The following BPIFC variants were observed in gnomAD, a reference collection of about 807,000 sequenced individuals.
The protein encoded by BPIFC is BPI fold containing family C.
A neutral mutation model predicts 57.6 loss-of-function variants in BPIFC; 60 were observed. The observed-to-expected ratio is 1.04, with a 90% CI of 0.85 to 1.29. BPIFC has a LOEUF of 1.29. Among genes scored for constraint, BPIFC ranks in the 50% most tolerant of loss-of-function variants. The pLI, the probability that BPIFC is intolerant of heterozygous loss-of-function variation, is 0.00. For missense variants in BPIFC, 581 were observed against 600.5 expected, an observed-to-expected ratio of 0.97 and a Z score of 0.34; for synonymous variants, 243 against 224.5, an observed-to-expected ratio of 1.08 and a Z score of -0.74.
Position 32,427,660 on chromosome 22 carries a change from G to A in BPIFC, c.1217+3687C>T, listed in dbSNP as rs540857842. ...AGATGCTGCCAATTTCTCACCTTTG[G>A]TTCCTTCCCCCCTCACCCTCATGCT... On this transcript the variant is annotated intron_variant, in intron 13 of 16. Transcript: ENST00000300399. Among the ~76,000 whole-genome samples the A allele has an allele frequency of 3.9e-5, 6 of 152,154 alleles. No homozygotes were observed. In the East Asian group the frequency reaches 1.2e-3, roughly 29 times the overall value.
intron 3 of BPIFC, among the ~76,000 whole-genome samples, chr22:32,455,050 C>CTTTT (rs1392514246): frequency 0.013 from 1,787 of 133,778 alleles, 123 homozygotes; most frequent in South Asian, 0.04. Context: ...TTTTCATCTC[C>CTTTT]ATTTTTTTTT....
intron 10 of BPIFC, among the ~76,000 whole-genome samples, chr22:32,435,243 CAGTGGTG>C (rs1376597649): frequency 6.6e-6 from 1 of 152,066 alleles, no homozygotes; most frequent in African/African-American, 2.4e-5. Flanking sequence ...TAATCTAGAA[CAGTGGTG>C]AGTGGTGAGG....
intron 13 of BPIFC, among the ~76,000 whole-genome samples, chr22:32,429,736 C>T (rs1033930271): frequency 3.3e-5 from 5 of 151,642 alleles, no homozygotes; most frequent in Non-Finnish European, 7.4e-5. Context: ...AGGCTGGTCT[C>T]GAACTCCTGA....
At chr22:32,435,596 C>A in intron 10 of BPIFC, 108 bp downstream of exon 10, 1 of 1,180,946 alleles carries the variant, frequency 8.5e-7, no homozygotes, top group Non-Finnish European at 1.2e-6. Context: ...GAGTGATAGC[C>A]TAAAAAGGTC....
Position 32,432,398 on chromosome 22 carries a change from A to C in BPIFC, c.1124T>G (p.Val375Gly). The change falls in exon 12 of 17, where the codon GTT becomes GGT. Residue 375 changes from valine to glycine, a missense_variant. Physicochemically the swap from Val to Gly is moderately radical, Grantham distance 109 (BLOSUM62 -3). Coordinates refer to ENST00000300399, the MANE Select transcript of BPIFC (RefSeq NM_174932.3). ...MMLTQPKNST[V>G]ETIVSMDFVA... Reference sequence around the variant, plus strand: ...GAAGTCCATGGAAACGATGGTTTCAACTGTGGAGTTCTTGGGTTGGGTGAG... The same window carrying C: ...GAAGTCCATGGAAACGATGGTTTCACCTGTGGAGTTCTTGGGTTGGGTGAG... 6.2e-7 allele frequency: 1 copy of C among 1,614,142 alleles called. No homozygotes were observed. Among genetic ancestry groups the C allele is most frequent in the Non-Finnish European group, 8.5e-7 (1 of 1,180,038 alleles).
intron 8 of BPIFC, among the ~76,000 whole-genome samples, chr22:32,440,176 G>A (rs1215800084): frequency 6.6e-6 from 1 of 152,000 alleles, no homozygotes; most frequent in African/African-American, 2.4e-5. Context: ...TTGTCACCTA[G>A]ACTGGATCTT....
At chr22:32,445,484 C>T (rs113005464) in intron 7 of BPIFC, 151 bp downstream of exon 7, 25 of 791,502 alleles carry the variant, frequency 3.2e-5, no homozygotes, top group South Asian at 4.8e-5. Context: ...TTGCAGTGAG[C>T]GGAGATCGTG....
At chr22:32,448,835 G>A (rs1055151905) in intron 4 of BPIFC, among the ~76,000 whole-genome samples, 18 of 139,970 alleles carry the variant, frequency 1.3e-4, no homozygotes, top group Admixed American at 1.2e-3. Context: ...CTACTTGGGA[G>A]GCTGAGGCAG....
intron 15 of BPIFC, 25 bp downstream of exon 15, chr22:32,417,060 A>G (rs1372356963): frequency 6.4e-7 from 1 of 1,550,806 alleles, no homozygotes; most frequent in Admixed American, 1.7e-5. Context: ...TGTTACAGTC[A>G]CATTGTTTTC....
chr22:32,454,913 T>A (rs747235065), intron 3 of BPIFC, among the ~76,000 whole-genome samples: 2 of 152,148 alleles, frequency 1.3e-5, no homozygotes, highest in Non-Finnish European at 2.9e-5. Context: ...TTCACACATG[T>A]GAAAATGACA....
At position 32,432,530 on chromosome 22, in the gene BPIFC, T is replaced by C; in HGVS notation, c.992A>G (p.Tyr331Cys). 1 of 1,614,024 alleles carries C rather than the reference T, an allele frequency of 6.2e-7. No individual in the cohort carries two copies. Among genetic ancestry groups the C allele is most frequent in the Non-Finnish European group, 8.5e-7 (1 of 1,179,968 alleles). Reference protein sequence around the residue: ...GNVLSRIAEIYILSQPFMVRI... With the variant: ...GNVLSRIAEICILSQPFMVRI... ...CACCATGAAGGGCTGGGACAAGATG[T>C]AGATCTCTGCAATCTGCCCACATTC... is the stretch of plus-strand genomic sequence containing the variant. The change falls in exon 12 of 17, where the codon TAC (tyrosine) becomes TGC (cysteine). Residue 331 changes from tyrosine to cysteine, a missense_variant. By Grantham distance (194) the Tyr-to-Cys change is radical. Transcript: ENST00000300399.
chr22:32,422,204 G>A (rs1933868478), intron 13 of BPIFC, among the ~76,000 whole-genome samples: 1 of 152,210 alleles, frequency 6.6e-6, no homozygotes, highest in South Asian at 2.1e-4. Flanking sequence ...CTGCAGCATG[G>A]AGAAAAGAAC....
intron 2 of BPIFC, 58 bp downstream of exon 2, chr22:32,461,516 G>T: frequency 1.1e-6 from 1 of 911,216 alleles, no homozygotes; most frequent in Non-Finnish European, 1.3e-6. Flanking sequence ...AGCCCTCCAT[G>T]TCCTGAGAGG....
intron 13 of BPIFC, among the ~76,000 whole-genome samples, chr22:32,429,520 T>G (rs1326693336): frequency 6.8e-5 from 9 of 132,304 alleles, no homozygotes; most frequent in South Asian, 5.2e-4. Flanking sequence ...TTTTTTTTTT[T>G]TTTTTTTTTT....
intron 8 of BPIFC, among the ~76,000 whole-genome samples, chr22:32,441,926 G>T (rs572544403): frequency 6.6e-6 from 1 of 152,208 alleles, no homozygotes; most frequent in South Asian, 2.1e-4. Flanking sequence ...TAGATCCCTC[G>T]CATGCACGGT....
At chr22:32,453,942 C>CAA (rs34168726) in intron 3 of BPIFC, among the ~76,000 whole-genome samples, 1 of 146,008 alleles carries the variant, frequency 6.8e-6, no homozygotes, top group Non-Finnish European at 1.5e-5. Flanking sequence ...ACAACAACAA[C>CAA]AAAAAAAAAA....
At chr22:32,447,116 G>A in intron 5 of BPIFC, 96 bp downstream of exon 5, 7 of 1,392,808 alleles carry the variant, frequency 5.0e-6, no homozygotes, top group Non-Finnish European at 6.6e-6. Context: ...ATGAGGGAAA[G>A]AAGCCTATTG....
At chr22:32,428,276 C>CGCGT (rs1397372007) in intron 13 of BPIFC, among the ~76,000 whole-genome samples, 1 of 146,460 alleles carries the variant, frequency 6.8e-6, no homozygotes, top group East Asian at 2.0e-4. Context: ...TGTGCGCGCG[C>CGCGT]GTGTGTGTGT....
Position 32,435,703 on chromosome 22 carries a change from C to G in BPIFC, c.924+1G>C. 1 of 1,613,050 alleles carries G rather than the reference C, an allele frequency of 6.2e-7. No homozygotes were observed. The highest frequency in any genetic ancestry group is 8.5e-7 in the Non-Finnish European group (1 of 1,179,494). ...TGACATCCTCAGTTAACTCTCCTCA[C>G]CTCTTCGGTGGAGAGAGTGACATTG... On this transcript the variant is annotated splice_donor_variant, in intron 10 of 16. Transcript: ENST00000300399. LOFTEE classifies it high-confidence loss of function.
Sources: allele counts gnomAD v4.1 joint callset (sites outside exome capture counted in the v4.1 genomes callset), GRCh38; gene constraint gnomAD v4.1.1; transcripts MANE v1.5; gene names NCBI Gene and HGNC (gene_info 2026-07-23, HGNC 2026-07-21).